TAOK1: variants seen among roughly 807,000 people sequenced by gnomAD.
TAOK1 encodes the protein TAO kinase 1.
Under a neutral mutation model 138.3 loss-of-function variants are expected in TAOK1, and 21 were observed. The ratio of observed to expected loss-of-function variants is 0.15; its 90% confidence interval spans 0.11 to 0.22. The LOEUF (loss-of-function observed/expected upper bound fraction) is 0.22. TAOK1 is among the 10% of genes least tolerant of loss of function. TAOK1 has a pLI of 1.00. For synonymous variants in TAOK1, 361 were observed against 398.4 expected, an observed-to-expected ratio of 0.91 and a Z score of 1.12; for missense variants, 651 against 1,227.7, an observed-to-expected ratio of 0.53 and a Z score of 7.02.
chr17:29,393,922 A>T, intron 1 of TAOK1, among the ~76,000 whole-genome samples: 1 of 152,164 alleles, frequency 6.6e-6, no homozygotes, highest in East Asian at 1.9e-4. Context: ...GAAAATAATT[A>T]TCGTATTTTT....
In TAOK1 at chr17:29,545,026, T is replaced by C. The variant is rs373757886; in HGVS notation, c.*2004T>C. 6.6e-6 allele frequency: 1 copy of C among 152,152 alleles called. No individual in the cohort carries two copies. Among genetic ancestry groups the C allele is most frequent in the Non-Finnish European group, 1.5e-5 (1 of 68,020 alleles). 9.4% of individuals were successfully genotyped at this position (152,152 alleles called of 1,614,324 possible). On this transcript the variant is annotated 3_prime_UTR_variant, in exon 20 of 20. Transcript: ENST00000261716. Reference sequence around the variant, plus strand: ...TCATTTTAAGGAAACTGGAAGAAAATTAATGTTTTAATGTAAATGTTTTTA... The same window carrying C: ...TCATTTTAAGGAAACTGGAAGAAAACTAATGTTTTAATGTAAATGTTTTTA...
intron 1 of TAOK1, among the ~76,000 whole-genome samples, chr17:29,407,245 C>G (rs765023030): frequency 4.6e-5 from 7 of 152,084 alleles, no homozygotes; most frequent in Non-Finnish European, 7.4e-5. Context: ...CTTTGGCCTC[C>G]CAAAGTGCTG....
intron 9 of TAOK1, 40 bp from the exon 10 acceptor site, chr17:29,491,744 A>C: frequency 7.0e-7 from 1 of 1,422,246 alleles, no homozygotes. Context: ...TTTTTAAAGG[A>C]AATAGCAATG....
chr17:29,499,500 G>A (rs1375360593), intron 12 of TAOK1, among the ~76,000 whole-genome samples: 1 of 151,492 alleles, frequency 6.6e-6, no homozygotes, highest in African/African-American at 2.4e-5. Context: ...CCAAAGTGCT[G>A]GGATTACAGG....
rs1337925046 is a variant in TAOK1 at position 29,543,296 on chromosome 17, C to G, written c.*274C>G. 1 of 235,394 alleles carries G rather than the reference C, an allele frequency of 4.2e-6. No individual in the cohort carries two copies. Among genetic ancestry groups the G allele is most frequent in the East Asian group, 8.3e-5 (1 of 12,046 alleles). 14.6% of individuals were successfully genotyped at this position (235,394 alleles called of 1,614,324 possible). ...GTATGTGTGTACATATATATACACA[C>G]ACATACACATATATTATGCATGTGG... On this transcript the variant is annotated 3_prime_UTR_variant, in exon 20 of 20. Transcript: ENST00000261716.
chr17:29,467,776 C>T (rs2030707467), intron 3 of TAOK1, among the ~76,000 whole-genome samples: 1 of 151,696 alleles, frequency 6.6e-6, no homozygotes, highest in Non-Finnish European at 1.5e-5. Flanking sequence ...TCTCCAAATC[C>T]CCCCTACTCT....
At chr17:29,541,049 C>A (rs1022162424) in intron 19 of TAOK1, among the ~76,000 whole-genome samples, 1 of 151,220 alleles carries the variant, frequency 6.6e-6, no homozygotes, top group African/African-American at 2.4e-5. Flanking sequence ...AATATCTTAA[C>A]CCATTCTATT....
At chr17:29,527,450 G>A (rs2032030497) in intron 17 of TAOK1, among the ~76,000 whole-genome samples, 1 of 152,176 alleles carries the variant, frequency 6.6e-6, no homozygotes, top group African/African-American at 2.4e-5. Context: ...CTGGACAACA[G>A]AGTGAGACTG....
At chr17:29,465,392 C>T (rs575048990) in intron 2 of TAOK1, among the ~76,000 whole-genome samples, 2 of 151,958 alleles carry the variant, frequency 1.3e-5, no homozygotes, top group South Asian at 2.1e-4. Flanking sequence ...CCTCGCAATC[C>T]GCGCGTCTCT....
At chr17:29,498,590 GAGAAGGA>G (rs2031455837) in intron 12 of TAOK1, 69 bp downstream of exon 12, 1 of 1,555,252 alleles carries the variant, frequency 6.4e-7, no homozygotes, top group Middle Eastern at 1.9e-4. Flanking sequence ...GTTAGTTTAA[GAGAAGGA>G]AGAAGGAAGA....
chr17:29,498,788 C>T (rs1049352926), intron 12 of TAOK1, among the ~76,000 whole-genome samples: 3 of 151,928 alleles, frequency 2.0e-5, no homozygotes, highest in South Asian at 2.1e-4. Flanking sequence ...CATGGTGGCA[C>T]GTGCCTGTAC....
At chr17:29,412,588 C>T (rs577248844) in intron 1 of TAOK1, among the ~76,000 whole-genome samples, 2 of 152,202 alleles carry the variant, frequency 1.3e-5, no homozygotes, top group African/African-American at 2.4e-5. Flanking sequence ...ACTTAATTGT[C>T]TTAGCTTTTA....
At chr17:29,471,931 A>G (rs1227847607) in intron 3 of TAOK1, among the ~76,000 whole-genome samples, 1 of 152,210 alleles carries the variant, frequency 6.6e-6, no homozygotes, top group Non-Finnish European at 1.5e-5. Flanking sequence ...ATCTATTACA[A>G]ATAGTTTCTC....
intron 1 of TAOK1, among the ~76,000 whole-genome samples, chr17:29,447,141 C>T (rs982178450): frequency 6.6e-6 from 1 of 151,536 alleles, no homozygotes; most frequent in Non-Finnish European, 1.5e-5. Flanking sequence ...CCTCACACTC[C>T]TGGGCACAAA....
chr17:29,430,341 A>G (rs988770791), intron 1 of TAOK1, among the ~76,000 whole-genome samples: 3 of 152,192 alleles, frequency 2.0e-5, no homozygotes, highest in Non-Finnish European at 4.4e-5. Flanking sequence ...ACTGAAGGGT[A>G]GCCTGCAATC....
chr17:29,409,548 T>C (rs1186872004), intron 1 of TAOK1, among the ~76,000 whole-genome samples: 2 of 151,656 alleles, frequency 1.3e-5, no homozygotes, highest in Non-Finnish European at 2.9e-5. Context: ...TTAGTCAGGA[T>C]GGTCTCGATT....
At chr17:29,456,202 G>A (rs571521757) in intron 2 of TAOK1, among the ~76,000 whole-genome samples, 1 of 150,156 alleles carries the variant, frequency 6.7e-6, no homozygotes, top group East Asian at 1.9e-4. Context: ...ACAAAAATAA[G>A]TTGAGTGTGG....
At chr17:29,482,009 A>G (rs2031075434) in intron 7 of TAOK1, among the ~76,000 whole-genome samples, 188 bp from the exon 8 acceptor site, 1 of 152,152 alleles carries the variant, frequency 6.6e-6, no homozygotes, top group South Asian at 2.1e-4. Context: ...ATCTCACACT[A>G]TATATGCATT....
chr17:29,505,992 G>A (rs1472377211), intron 13 of TAOK1, among the ~76,000 whole-genome samples: 1 of 152,124 alleles, frequency 6.6e-6, no homozygotes, highest in African/African-American at 2.4e-5. Context: ...GGCAAAAAGG[G>A]GAACTGTTAC....
Sources: allele counts gnomAD v4.1 joint callset (sites outside exome capture counted in the v4.1 genomes callset), GRCh38; gene constraint gnomAD v4.1.1; transcripts MANE v1.5; gene names NCBI Gene and HGNC (gene_info 2026-07-23, HGNC 2026-07-21).